WDR44: variants seen among roughly 807,000 people sequenced by gnomAD.
WDR44 encodes the protein WD repeat domain 44.
WDR44 carries 9 observed loss-of-function variants against 65.7 expected under a neutral mutation model. The observed-to-expected ratio is 0.14, with a 90% CI of 0.08 to 0.24. The LOEUF is 0.24. Ranked by LOEUF, WDR44 falls within the 10% of genes least tolerant of loss-of-function variation. WDR44 has a pLI of 1.00. For synonymous variants in WDR44, 220 were observed against 235.2 expected (o/e 0.94, Z 0.59); for missense variants, 425 against 670.9 (o/e 0.63, Z 4.05).
intron 8 of WDR44, among the ~76,000 whole-genome samples, chrX:118,401,939 A>G (rs1354065997): frequency 9.0e-6 from 1 of 110,827 alleles, no homozygotes; most frequent in East Asian, 2.8e-4. Flanking sequence ...TTCGCCATAG[A>G]ATTTTTTTTT....
chrX:118,384,030 C>T (rs1183325718), intron 2 of WDR44, among the ~76,000 whole-genome samples: 1 of 108,005 alleles, frequency 9.3e-6, no homozygotes, highest in African/African-American at 3.4e-5. Context: ...CAGGCACATA[C>T]CACCATGCTT....
intron 12 of WDR44, among the ~76,000 whole-genome samples, chrX:118,416,648 ATG>A (rs1461688113): frequency 9.0e-6 from 1 of 111,473 alleles, no homozygotes; most frequent in African/African-American, 3.3e-5. Context: ...ATTGAATAGA[ATG>A]TGTATTCTGC....
intron 12 of WDR44, among the ~76,000 whole-genome samples, chrX:118,424,323 G>GTATATATATATATATATATATA (rs1171699587): frequency 7.6e-5 from 5 of 65,548 alleles, no homozygotes; most frequent in East Asian, 4.6e-4. Context: ...GTGTGTGTGT[G>GTATATATATATATATATATATA]TATATATATA....
chrX:118,392,545 A>T, intron 3 of WDR44, 87 bp from the exon 4 acceptor site: 2 of 795,190 alleles, frequency 2.5e-6, no homozygotes, highest in Non-Finnish European at 3.6e-6. Flanking sequence ...TGCCTGGCAC[A>T]TACTAAGTAC....
intron 1 of WDR44, among the ~76,000 whole-genome samples, chrX:118,351,471 G>A (rs755385138): frequency 8.9e-6 from 1 of 112,038 alleles, no homozygotes; most frequent in East Asian, 2.8e-4. Flanking sequence ...TTACTTTAGG[G>A]AAGTTTCCTT....
chrX:118,346,142 A>G lies in WDR44; in HGVS notation c.-362A>G, dbSNP rs752279661. On this transcript the variant is annotated 5_prime_UTR_variant, in exon 1 of 20. Transcript: ENST00000254029. ...GGCAACTAGCTCTTCCAGCTGCTGTAAATTGCTGCTGCGGGAGAAACTGGA... is the reference window on the plus strand; with the variant it reads ...GGCAACTAGCTCTTCCAGCTGCTGTGAATTGCTGCTGCGGGAGAAACTGGA... 19 of 301,289 alleles carry G rather than the reference A, an allele frequency of 6.3e-5. No homozygotes were observed. The highest frequency in any genetic ancestry group is 4.4e-4 in the African/African-American group (16 of 36,494). 24.8% of individuals were successfully genotyped at this position (301,289 alleles called of 1,213,427 possible).
intron 12 of WDR44, 108 bp from the exon 13 acceptor site, chrX:118,432,673 A>G (rs1232976929): frequency 5.1e-5 from 36 of 701,072 alleles, no homozygotes; most frequent in East Asian, 6.4e-5. Context: ...TGGTGACTCA[A>G]GATTTCAATC....
chrX:118,365,136 C>T (rs1053572502), intron 1 of WDR44, among the ~76,000 whole-genome samples: 7 of 111,858 alleles, frequency 6.3e-5, no homozygotes, highest in African/African-American at 2.3e-4. Flanking sequence ...TTACCATTCC[C>T]CTTGCTCTGG....
At position 118,388,688 on chromosome X, in the gene WDR44, A is replaced by AT. The variant is rs1195530494; in HGVS notation, c.186+1281dup. Among the ~76,000 whole-genome samples, 4 of 111,838 alleles carry AT rather than the reference A, an allele frequency of 3.6e-5. No homozygotes were observed. The Admixed American group carries it at 3.8e-4, about 11-fold the overall frequency. ...CAGTGTACATAACAGGAATTGAACC[A>AT]TTTTTTTAAAAAAATAAGAAATTGC... On this transcript the variant is annotated intron_variant, in intron 3 of 19. Coordinates refer to ENST00000254029, the MANE Select transcript of WDR44 (RefSeq NM_019045.5).
chrX:118,430,008 A>C (rs1022778248), intron 12 of WDR44, among the ~76,000 whole-genome samples: 2 of 111,564 alleles, frequency 1.8e-5, no homozygotes, highest in Non-Finnish European at 1.9e-5. Flanking sequence ...AAGAATGATT[A>C]ATCGTGATGC....
chrX:118,385,944 A>AT lies in WDR44; in HGVS notation c.112-1385dup, dbSNP rs373883346. 6.4e-3 allele frequency among the ~76,000 whole-genome samples: 680 copies of AT among 106,298 alleles called. 7 individuals are homozygous for AT. Among genetic ancestry groups the AT allele is most frequent in the African/African-American group, 0.022 (640 of 29,432 alleles). 92.3% of individuals were successfully genotyped at this position (106,298 alleles called of 115,157 possible). On this transcript the variant is annotated intron_variant, in intron 2 of 19. Transcript: ENST00000254029. Reference sequence around the variant, plus strand: ...TCTAATACTTAAGAGTCCATGAAACATTTTTTTTTTTCTAGAAGAATCTGT... The same window carrying AT: ...TCTAATACTTAAGAGTCCATGAAACATTTTTTTTTTTTCTAGAAGAATCTGT...
At chrX:118,371,082 T>C (rs2056611089) in intron 1 of WDR44, among the ~76,000 whole-genome samples, 1 of 111,523 alleles carries the variant, frequency 9.0e-6, no homozygotes, top group Non-Finnish European at 1.9e-5. Flanking sequence ...AAGGAAGACA[T>C]ACAGACAGAT....
Position 118,444,337 on chromosome X carries a change from C to A in WDR44, c.2513-23C>A, listed in dbSNP as rs371102897. ...TCTTGGTATCCAATTTGTCAGTTAT[C>A]CTGAAGTAAATTTTTTCCACAGCCC... is the stretch of plus-strand genomic sequence containing the variant. On this transcript the variant is annotated intron_variant, in intron 18 of 19. Transcript: ENST00000254029. 677 of 1,195,066 alleles carry A rather than the reference C, an allele frequency of 5.7e-4. 2 individuals are homozygous for A. In the African/African-American group the frequency reaches 0.011, roughly 19 times the overall value.
intron 1 of WDR44, among the ~76,000 whole-genome samples, chrX:118,374,160 C>A (rs147715407): frequency 0.022 from 2,354 of 108,759 alleles, 70 homozygotes; most frequent in African/African-American, 0.076. Flanking sequence ...CATTGTTCAG[C>A]TCCCACTTAT....
intron 1 of WDR44, among the ~76,000 whole-genome samples, chrX:118,349,810 A>G (rs1184814545): frequency 8.9e-6 from 1 of 111,767 alleles, no homozygotes; most frequent in Non-Finnish European, 1.9e-5. Context: ...GGCCTCCCAC[A>G]GTGCTGGGAT....
chrX:118,407,169 G>T (rs1353149311), intron 10 of WDR44, 143 bp downstream of exon 10: 5 of 585,940 alleles, frequency 8.5e-6, no homozygotes, highest in Non-Finnish European at 1.3e-5. Context: ...ATGATTTAAT[G>T]AATAGGTAAT....
rs758156971 is a variant in WDR44 at position 118,362,939 on chromosome X, G to A, written c.78-15480G>A. ...ATCTGGCAACCCTAGGTGGGGAAGA[G>A]GCAGGAGACTAGTAGATATAGGCAC... On this transcript the variant is annotated intron_variant, in intron 1 of 19. Coordinates refer to ENST00000254029, the MANE Select transcript of WDR44 (RefSeq NM_019045.5). Among the ~76,000 whole-genome samples the A allele has an allele frequency of 4.6e-5, 5 of 108,083 alleles. No homozygotes were observed. The East Asian group carries it at 1.5e-3, about 32-fold the overall frequency. 93.9% of individuals were successfully genotyped at this position (108,083 alleles called of 115,157 possible).
chrX:118,346,590 T>C lies in WDR44; in HGVS notation c.77+10T>C, dbSNP rs2056352279. 8.6e-7 allele frequency: 1 copy of C among 1,167,966 alleles called. No homozygotes were observed. Among genetic ancestry groups the C allele is most frequent in the South Asian group, 1.9e-5 (1 of 52,671 alleles). On this transcript the variant is annotated intron_variant, in intron 1 of 19. Transcript: ENST00000254029. ...GCGGCTACCCCGTGGGGTAAGTGAC[T>C]GCAGCTATGACAGGAAGCCGGGCAT...
At chrX:118,365,517 A>G (rs926114912) in intron 1 of WDR44, among the ~76,000 whole-genome samples, 4 of 107,925 alleles carry the variant, frequency 3.7e-5, no homozygotes, top group Non-Finnish European at 7.6e-5. Context: ...CAAAAAAAAA[A>G]GAAAAAAGAA....
Sources: allele counts gnomAD v4.1 joint callset (sites outside exome capture counted in the v4.1 genomes callset), GRCh38; gene constraint gnomAD v4.1.1; transcripts MANE v1.5; gene names NCBI Gene and HGNC (gene_info 2026-07-23, HGNC 2026-07-21).